Variants in SMARCA2 observed in about 807,000 individuals in gnomAD.
The protein encoded by SMARCA2 is SWI/SNF-related matrix-associated actin-dependent regulator of chromatin subfamily A member 2.
A neutral mutation model predicts 199.8 loss-of-function variants in SMARCA2; 61 were observed. That is an observed-to-expected ratio of 0.31 (90% CI 0.25 to 0.38). The LOEUF (loss-of-function observed/expected upper bound fraction) is 0.38, where lower values mean the gene tolerates loss of function less well. SMARCA2 is among the 10% of genes least tolerant of loss of function. The pLI is 1.00. For synonymous variants in SMARCA2, 935 were observed against 732.0 expected (o/e 1.28, Z -4.48); for missense variants, 1,344 against 2,012.2 (o/e 0.67, Z 6.35).
intron 27 of SMARCA2, among the ~76,000 whole-genome samples, chr9:2,130,921 G>A (rs1476517636): frequency 6.6e-6 from 1 of 152,186 alleles, no homozygotes; most frequent in African/African-American, 2.4e-5. Flanking sequence ...AGCACCGTAA[G>A]GCAGTCATCA....
In SMARCA2 at chr9:2,104,219, G is replaced by C. The variant is rs760171497; in HGVS notation, c.3292+50G>C. On this transcript the variant is annotated intron_variant, in intron 23 of 33. Coordinates refer to ENST00000349721, the MANE Select transcript of SMARCA2 (RefSeq NM_003070.5). The surrounding 1 kb of genome is among the most constrained non-coding windows in gnomAD (Gnocchi z 4.0). ...GGAAGCCATACTACTGAAAATGAAGGGATAATGGGCACTTAGGTCCAATCT... is the reference window on the plus strand; with the variant it reads ...GGAAGCCATACTACTGAAAATGAAGCGATAATGGGCACTTAGGTCCAATCT... 8.6e-6 allele frequency: 13 copies of C among 1,516,416 alleles called. No individual in the cohort carries two copies. The African/African-American group carries it at 1.7e-4, about 19-fold the overall frequency. The allele number at this position is 1,516,416 out of a possible 1,614,324, so 93.9% of individuals were successfully genotyped here.
In SMARCA2 at chr9:2,029,229, C is replaced by A; in HGVS notation, c.207C>A (p.Gly69=). 1 of 1,611,748 alleles carries A rather than the reference C, an allele frequency of 6.2e-7. No homozygotes were observed. The highest frequency in any genetic ancestry group is 8.5e-7 in the Non-Finnish European group (1 of 1,178,684). The stretch of plus-strand genomic sequence containing the variant: ...GGTCCACAGACTTCCCACAGGAAGG[C>A]ATGCATCAAATGCATAAGGTAAGAG... ...TMGSTDFPQE[G]MHQMHKPIDG... The change falls in exon 2 of 34, where the codon GGC becomes GGA. Residue 69 remains glycine, a synonymous_variant. Coordinates refer to ENST00000349721, the MANE Select transcript of SMARCA2 (RefSeq NM_003070.5).
chr9:2,039,613 A>T lies in SMARCA2; in HGVS notation c.503A>T (p.Asn168Ile). ...GATCCGCAGGCCATGAGCCAGCCCA[A>T]CAGAGGTCCCTCACCTTTCAGTCCT... ...PGDPQAMSQP[N>I]RGPSPFSPVQ... The change falls in exon 4 of 34, where the codon AAC becomes ATC. Residue 168 changes from asparagine (N) to isoleucine (I), a missense_variant. This residue lies in a region of SMARCA2 where 275 missense variants were observed against 247.5 expected (regional missense o/e 1.11). Transcript: ENST00000349721. This position sits in a 1 kb window ranked among gnomAD's most constrained non-coding sequence, Gnocchi z 4.8. The T allele has an allele frequency of 6.2e-7, 1 of 1,614,222 alleles. No homozygotes were observed. Among genetic ancestry groups the T allele is most frequent in the Non-Finnish European group, 8.5e-7 (1 of 1,180,042 alleles).
At chr9:2,167,951 ACAATGAC>A (rs1292621336) in intron 28 of SMARCA2, among the ~76,000 whole-genome samples, 1 of 152,108 alleles carries the variant, frequency 6.6e-6, no homozygotes, top group East Asian at 1.9e-4. Flanking sequence ...ATCTGAGGAT[ACAATGAC>A]ATTACCTGGT....
intron 19 of SMARCA2, among the ~76,000 whole-genome samples, chr9:2,090,790 G>A (rs1341866355): frequency 6.6e-6 from 1 of 151,890 alleles, no homozygotes; most frequent in Admixed American, 6.6e-5. Context: ...CACTTTGTGT[G>A]TGTATGTGGT....
intron 27 of SMARCA2, among the ~76,000 whole-genome samples, chr9:2,148,991 A>G (rs536241128): frequency 6.6e-6 from 1 of 151,740 alleles, no homozygotes; most frequent in South Asian, 2.1e-4. Flanking sequence ...GGAATACCAA[A>G]AAGCTATGGA....
intron 8 of SMARCA2, 131 bp from the exon 9 acceptor site, chr9:2,060,685 C>A: frequency 1.4e-6 from 1 of 736,866 alleles, no homozygotes. Context: ...ATGGCTTGAA[C>A]AGCCCAACTC....
chr9:2,016,367 C>T lies in SMARCA2; in HGVS notation c.-37+963C>T, dbSNP rs1001930460. 1.3e-5 allele frequency: 2 copies of T among 152,416 alleles called. No individual in the cohort carries two copies. Among genetic ancestry groups the T allele is most frequent in the Non-Finnish European group, 2.9e-5 (2 of 68,140 alleles). 9.4% of individuals were successfully genotyped at this position (152,416 alleles called of 1,614,324 possible). ...CACTGCTGGAGGGAAGGGAGGAGGC[C>T]CCCAAGGAGGTCGGAGGTGCCCGCC... On this transcript the variant is annotated intron_variant, in intron 1 of 33. Transcript: ENST00000349721. The surrounding 1 kb of genome is among the most constrained non-coding windows in gnomAD (Gnocchi z 5.6).
intron 5 of SMARCA2, among the ~76,000 whole-genome samples, chr9:2,048,774 GATACTC>G (rs1483287933): frequency 6.6e-6 from 1 of 152,180 alleles, no homozygotes; most frequent in Non-Finnish European, 1.5e-5. Context: ...CAGAGAGCTA[GATACTC>G]ATTGTCAATT....
At chr9:2,116,168 TA>T (rs1554629053) in intron 25 of SMARCA2, 119 bp downstream of exon 25, 1 of 739,088 alleles carries the variant, frequency 1.4e-6, no homozygotes, top group Non-Finnish European at 2.3e-6. Context: ...AATGAAGAAA[TA>T]AACTGCTGTT....
At chr9:2,109,879 C>CGT (rs1193435305) in intron 23 of SMARCA2, among the ~76,000 whole-genome samples, 3 of 151,710 alleles carry the variant, frequency 2.0e-5, no homozygotes, top group African/African-American at 4.8e-5. Flanking sequence ...TTTAAGTGCA[C>CGT]GTGTGTGTGT....
chr9:2,184,491 T>A (rs1827287600), intron 31 of SMARCA2, among the ~76,000 whole-genome samples: 1 of 151,654 alleles, frequency 6.6e-6, no homozygotes, highest in Non-Finnish European at 1.5e-5. Flanking sequence ...TAGCTGGGAT[T>A]AAGGCATGCA....
At chr9:2,065,468 T>G (rs1820799348) in intron 9 of SMARCA2, among the ~76,000 whole-genome samples, 1 of 152,164 alleles carries the variant, frequency 6.6e-6, no homozygotes, top group African/African-American at 2.4e-5. Context: ...TCTTTCTCCT[T>G]ACCAACCGCT....
intron 12 of SMARCA2, among the ~76,000 whole-genome samples, chr9:2,075,548 C>G (rs1821285889): frequency 1.3e-5 from 2 of 152,198 alleles, no homozygotes; most frequent in African/African-American, 2.4e-5. Flanking sequence ...TGATGTGAAT[C>G]AGCCACAGAA....
At chr9:2,090,202 G>C (rs1238585749) in intron 19 of SMARCA2, among the ~76,000 whole-genome samples, 1 of 152,146 alleles carries the variant, frequency 6.6e-6, no homozygotes, top group Non-Finnish European at 1.5e-5. Context: ...GAGTATACTT[G>C]AAGGATGATA....
intron 19 of SMARCA2, among the ~76,000 whole-genome samples, chr9:2,096,051 T>C (rs1404503576): frequency 2.6e-5 from 4 of 152,220 alleles, no homozygotes; most frequent in Non-Finnish European, 5.9e-5. Flanking sequence ...TGTCCTCCTT[T>C]AGATGACCAT....
rs536092509 is a variant in SMARCA2, at chr9:2,155,655, G to A, written c.3982-6031G>A. 5.8e-4 allele frequency among the ~76,000 whole-genome samples: 86 copies of A among 147,446 alleles called. 1 individual carries two copies. Among genetic ancestry groups the A allele is most frequent in the African/African-American group, 1.9e-3 (77 of 39,902 alleles). On this transcript the variant is annotated intron_variant, in intron 27 of 33. Coordinates refer to ENST00000349721, the MANE Select transcript of SMARCA2 (RefSeq NM_003070.5). ...TGACCTTGTCTCAGATGTGTAAGCC[G>A]TAGCTCCCCTTTTCCCTTCGTCACC...
intron 27 of SMARCA2, among the ~76,000 whole-genome samples, chr9:2,157,284 G>A (rs1231521200): frequency 6.6e-6 from 1 of 152,174 alleles, no homozygotes; most frequent in Admixed American, 6.5e-5. Flanking sequence ...AGCAGGGCAC[G>A]AGGGAGGTTT....
intron 14 of SMARCA2, among the ~76,000 whole-genome samples, chr9:2,080,702 T>C (rs934111946): frequency 2.0e-5 from 3 of 152,236 alleles, no homozygotes; most frequent in African/African-American, 7.2e-5. Flanking sequence ...TTTGGAATCT[T>C]GCATGGTACA....
Sources: gnomAD v4.1 joint callset for allele counts (sites outside exome capture counted in the v4.1 genomes callset) on GRCh38, gnomAD v4.1.1 for gene constraint, gnomAD v4.1.1 regional missense constraint, Gnocchi (gnomAD v3.1) non-coding constraint, MANE v1.5 for transcripts, NCBI Gene and HGNC (gene_info 2026-07-23, HGNC 2026-07-21) for gene names.